The following ELAPOR2 variants were observed in gnomAD, a reference collection of about 807,000 sequenced individuals.
ELAPOR2 encodes endosome-lysosome associated apoptosis and autophagy regulator family member 2, also known as endosome/lysosome-associated apoptosis and autophagy regulator family member 2.
Under a neutral mutation model 120.7 loss-of-function variants are expected in ELAPOR2, and 89 were observed. That is an observed-to-expected ratio of 0.74 (90% CI 0.62 to 0.88). ELAPOR2 has a LOEUF of 0.88. Ranked by LOEUF, ELAPOR2 falls within the 40% of genes least tolerant of loss-of-function variation. The pLI is 0.00. For missense variants in ELAPOR2, 1,134 were observed against 1,251.6 expected, an observed-to-expected ratio of 0.91 and a Z score of 1.42; for synonymous variants, 444 against 444.9, an observed-to-expected ratio of 1.00 and a Z score of 0.03.
intron 1 of ELAPOR2, among the ~76,000 whole-genome samples, chr7:87,048,015 G>A (rs6950123): frequency 0.11 from 16,260 of 152,174 alleles, 1,877 homozygotes; most frequent in African/African-American, 0.28. Context: ...GGAGGCTGAG[G>A]TGGGCGGATC....
intron 2 of ELAPOR2, among the ~76,000 whole-genome samples, chr7:86,949,489 C>T (rs1214131634): frequency 1.3e-5 from 2 of 152,168 alleles, no homozygotes; most frequent in African/African-American, 4.8e-5. Context: ...CCCAGGCAGA[C>T]TCAAGCTTCC....
At chr7:87,058,627 T>C (rs1795334290) in intron 1 of ELAPOR2, among the ~76,000 whole-genome samples, 1 of 152,196 alleles carries the variant, frequency 6.6e-6, no homozygotes, top group African/African-American at 2.4e-5. Context: ...TTACAAGCTA[T>C]AAAATACACC....
At chr7:87,025,384 A>AGAAGAAAT (rs1364373135) in intron 1 of ELAPOR2, among the ~76,000 whole-genome samples, 1 of 152,168 alleles carries the variant, frequency 6.6e-6, no homozygotes, top group Non-Finnish European at 1.5e-5. Flanking sequence ...ATATAAAACA[A>AGAAGAAAT]GAAGAAATAA....
chr7:86,990,785 C>A (rs930051988), intron 1 of ELAPOR2, among the ~76,000 whole-genome samples: 5 of 152,140 alleles, frequency 3.3e-5, no homozygotes, highest in Admixed American at 2.6e-4. Context: ...TAAACTTATA[C>A]AGTTTGTGAT....
intron 1 of ELAPOR2, among the ~76,000 whole-genome samples, chr7:87,034,493 C>T (rs4728664): frequency 0.12 from 18,159 of 151,126 alleles, 1,268 homozygotes; most frequent in African/African-American, 0.19. Flanking sequence ...AAAATGAGAT[C>T]ATTAAAAAAA....
intron 1 of ELAPOR2, among the ~76,000 whole-genome samples, chr7:87,043,128 C>T (rs941780599): frequency 5.9e-5 from 9 of 151,856 alleles, no homozygotes; most frequent in Admixed American, 5.9e-4. Context: ...AATAGCTTAC[C>T]AACGAAAAAG....
At chr7:86,890,820 A>T (rs1788116142) in intron 21 of ELAPOR2, among the ~76,000 whole-genome samples, 1 of 152,012 alleles carries the variant, frequency 6.6e-6, no homozygotes. Context: ...ATTCATTTTT[A>T]CTCTTAAATA....
intron 9 of ELAPOR2, 110 bp downstream of exon 9, chr7:86,926,626 A>G: frequency 8.9e-7 from 1 of 1,129,540 alleles, no homozygotes; most frequent in East Asian, 2.5e-5. Flanking sequence ...TACTAAAACT[A>G]AAAGAAATTC....
intron 8 of ELAPOR2, among the ~76,000 whole-genome samples, chr7:86,929,375 C>T (rs1790223804): frequency 6.6e-6 from 1 of 151,928 alleles, no homozygotes; most frequent in African/African-American, 2.4e-5. Context: ...TGACCCTAAC[C>T]TAACTGCCTT....
At chr7:86,974,236 T>C (rs1175167209) in intron 1 of ELAPOR2, among the ~76,000 whole-genome samples, 1 of 152,096 alleles carries the variant, frequency 6.6e-6, no homozygotes, top group African/African-American at 2.4e-5. Flanking sequence ...CGTCTTTGCT[T>C]TTGCAAGGTT....
At chr7:87,024,205 G>C (rs185475705) in intron 1 of ELAPOR2, among the ~76,000 whole-genome samples, 1 of 151,974 alleles carries the variant, frequency 6.6e-6, no homozygotes, top group Non-Finnish European at 1.5e-5. Flanking sequence ...TGAGTTTGTC[G>C]TAGATAGCTC....
intron 18 of ELAPOR2, among the ~76,000 whole-genome samples, chr7:86,905,158 AAGAG>A (rs751244019): frequency 4.0e-5 from 6 of 149,104 alleles, no homozygotes; most frequent in Admixed American, 1.3e-4. Flanking sequence ...AGAAGAGAGA[AAGAG>A]AGAAAGAAAG....
rs534574558 is a variant in ELAPOR2 at position 86,885,853 on chromosome 7, T to C, written c.3031-5323A>G. On this transcript the variant is annotated intron_variant, in intron 21 of 21. Transcript: ENST00000450689. Reference sequence around the variant, plus strand: ...GAATATACAGTAGAACTTGATGTTATATGCTTGTACTTCCCCATCTCATAC... The same window carrying C: ...GAATATACAGTAGAACTTGATGTTACATGCTTGTACTTCCCCATCTCATAC... Among the ~76,000 whole-genome samples, 303 of 152,264 alleles carry C rather than the reference T, an allele frequency of 2.0e-3. 1 individual carries two copies. Among genetic ancestry groups the C allele is most frequent in the Middle Eastern group, 6.8e-3 (2 of 294 alleles).
chr7:86,974,011 G>T (rs951801259), intron 1 of ELAPOR2, among the ~76,000 whole-genome samples: 1 of 151,810 alleles, frequency 6.6e-6, no homozygotes, highest in Non-Finnish European at 1.5e-5. Context: ...ACCTCTTGAA[G>T]GGTCTTCACG....
chr7:87,044,335 C>G (rs2129016320), intron 1 of ELAPOR2, among the ~76,000 whole-genome samples: 1 of 73,990 alleles, frequency 1.4e-5, no homozygotes, highest in Admixed American at 1.7e-4. Context: ...CTGGAGGCAT[C>G]ACACTACCTG....
At chr7:86,910,117 G>C in intron 15 of ELAPOR2, 116 bp from the exon 16 acceptor site, 1 of 751,766 alleles carries the variant, frequency 1.3e-6, no homozygotes, top group Non-Finnish European at 2.1e-6. Context: ...CAAGGATTCT[G>C]ATTTAGTTGA....
At chr7:87,023,362 ATC>A (rs997224011) in intron 1 of ELAPOR2, among the ~76,000 whole-genome samples, 1 of 152,166 alleles carries the variant, frequency 6.6e-6, no homozygotes, top group Non-Finnish European at 1.5e-5. Flanking sequence ...TTTGTCAAAG[ATC>A]AGATAGTTGC....
At chr7:86,933,206 T>C (rs1790408851) in intron 8 of ELAPOR2, among the ~76,000 whole-genome samples, 1 of 151,958 alleles carries the variant, frequency 6.6e-6, no homozygotes, top group South Asian at 2.1e-4. Context: ...GATTCTTCAA[T>C]TAGTCATATA....
At chr7:86,978,561 C>A (rs181032581) in intron 1 of ELAPOR2, among the ~76,000 whole-genome samples, 2 of 152,234 alleles carry the variant, frequency 1.3e-5, no homozygotes, top group African/African-American at 4.8e-5. Context: ...TGCTCTCAGG[C>A]CCTTCTCCAT....
Sources: gnomAD v4.1 joint callset for allele counts (sites outside exome capture counted in the v4.1 genomes callset) on GRCh38, gnomAD v4.1.1 for gene constraint, MANE v1.5 for transcripts, NCBI Gene and HGNC (gene_info 2026-07-23, HGNC 2026-07-21) for gene names.